The following PZP variants were observed in gnomAD, a reference collection of about 807,000 sequenced individuals.
The protein encoded by PZP is PZP alpha-2-macroglobulin like.
PZP carries 150 observed loss-of-function variants against 179.8 expected under a neutral mutation model. That is an observed-to-expected ratio of 0.83 (90% CI 0.73 to 0.96). PZP has a LOEUF of 0.96. PZP is among the 40% of genes least tolerant of loss of function. PZP has a pLI of 0.00. For missense variants in PZP, 1,689 were observed against 1,764.0 expected, an observed-to-expected ratio of 0.96 and a Z score of 0.76; for synonymous variants, 624 against 652.3, an observed-to-expected ratio of 0.96 and a Z score of 0.66.
intron 23 of PZP, 95 bp from the exon 24 acceptor site, chr12:9,160,585 T>C (rs1941109210): frequency 8.7e-7 from 1 of 1,152,456 alleles, no homozygotes; most frequent in Non-Finnish European, 1.3e-6. Context: ...GAGTCTATCA[T>C]TTAGGTAAGA....
At chr12:9,169,355 T>C (rs1565637801) in intron 16 of PZP, 75 bp downstream of exon 16, 1 of 1,345,326 alleles carries the variant, frequency 7.4e-7, no homozygotes, top group Admixed American at 2.4e-5. Context: ...TTACTAAGAT[T>C]ATGAATAGAT....
downstream of PZP, among the ~76,000 whole-genome samples, chr12:9,148,132 G>T (rs1324301544): frequency 1.3e-5 from 2 of 152,188 alleles, no homozygotes; most frequent in African/African-American, 4.8e-5. Context: ...AAAAAATTGT[G>T]TATATTTACC....
rs2120669964 is a variant in PZP, at chr12:9,161,092, G to A, written c.2813C>T (p.Ser938Phe). Residue 938 changes from serine (S) to phenylalanine (F), a missense_variant, in exon 23 of 36, where the codon TCC (serine) becomes TTC (phenylalanine). Ser to Phe is a radical substitution (Grantham distance 155). Coordinates refer to ENST00000261336, the MANE Select transcript of PZP (RefSeq NM_002864.3). ...ASGANVSEQL[S>F]LKLPSNVVKE... ...GACCACATTTGATGGGAGCTTCAAG[G>A]ACAACTGCTCAGACACATTAGCACC... 1 of 1,599,130 alleles carries A rather than the reference G, an allele frequency of 6.3e-7. No individual in the cohort carries two copies. The highest frequency in any genetic ancestry group is 8.6e-7 in the Non-Finnish European group (1 of 1,167,402).
chr12:9,156,097 A>T, intron 28 of PZP: 1 of 235,258 alleles, frequency 4.3e-6, no homozygotes, highest in East Asian at 1.1e-4. Flanking sequence ...AGCTCCTGTT[A>T]TAAAAGGTTT....
chr12:9,154,633 C>A lies in PZP; in HGVS notation c.3757G>T (p.Gly1253Cys). 1 of 1,614,110 alleles carries A rather than the reference C, an allele frequency of 6.2e-7. No individual in the cohort carries two copies. Residue 1253 changes from glycine to cysteine, a missense_variant, in exon 29 of 36, where the codon GGT becomes TGT. By Grantham distance (159) the Gly-to-Cys change is radical (BLOSUM62 -3). Transcript: ENST00000261336. ...WIMKQQNAQG[G>C]FSSTQDTVVA... The stretch of plus-strand genomic sequence containing the variant: ...CCACTGACCTGGGTGGAGGAGAAAC[C>A]ACCTTGGGCGTTCTGCTGCTTCATG...
intron 34 of PZP, among the ~76,000 whole-genome samples, chr12:9,150,314 G>T (rs61196270): frequency 0.023 from 3,466 of 151,984 alleles, 136 homozygotes; most frequent in African/African-American, 0.078. Flanking sequence ...ACGGAGTCTC[G>T]CACCGTCACC....
At position 9,152,300 on chromosome 12, in the gene PZP, T is replaced by C; in HGVS notation, c.4132A>G (p.Asn1378Asp). ...ATCACCATATTGGAAGCAGGACGGT[T>C]TCCTGTGTAACTGTAGTGTCAAAGG... ...QISLTISYTGNRPASNMVIVD... is the reference protein window; with the variant it reads ...QISLTISYTGDRPASNMVIVD... Residue 1378 changes from asparagine (N) to aspartate (D), a missense_variant, in exon 32 of 36, where the codon AAC (asparagine) becomes GAC (aspartate). Transcript: ENST00000261336. 1 of 1,612,658 alleles carries C rather than the reference T, an allele frequency of 6.2e-7. No individual in the cohort carries two copies. Among genetic ancestry groups the C allele is most frequent in the Middle Eastern group, 1.7e-4 (1 of 6,058 alleles).
chr12:9,203,803 C>T lies in PZP; in HGVS notation c.232G>A (p.Ala78Thr), dbSNP rs997621612. The change falls in exon 2 of 36, where the codon GCG becomes ACG. Residue 78 changes from alanine (A) to threonine (T), a missense_variant. This residue lies in a region of PZP where 742 missense variants were observed against 730.5 expected (regional missense o/e 1.02). Coordinates refer to ENST00000261336, the MANE Select transcript of PZP (RefSeq NM_002864.3). Reference sequence around the variant, plus strand: ...ACACAGTGGAATAAGTCCTTCTCCGCCACCAGGTCAGTGAAGAGGCTCCTG... The same window carrying T: ...ACACAGTGGAATAAGTCCTTCTCCGTCACCAGGTCAGTGAAGAGGCTCCTG... ...ENRSLFTDLV[A>T]EKDLFHCVSF... is the part of the protein sequence containing the mutation. 7.4e-6 allele frequency: 12 copies of T among 1,614,130 alleles called. No homozygotes were observed. The highest frequency in any genetic ancestry group is 1.0e-5 in the Non-Finnish European group (12 of 1,180,020).
At chr12:9,171,307 A>G (rs1941984183) in intron 15 of PZP, among the ~76,000 whole-genome samples, 1 of 152,212 alleles carries the variant, frequency 6.6e-6, no homozygotes, top group African/African-American at 2.4e-5. Flanking sequence ...AAACAAACAG[A>G]AAACAACAGC....
At chr12:9,161,685 A>G (rs1941212362) in intron 22 of PZP, among the ~76,000 whole-genome samples, 1 of 152,232 alleles carries the variant, frequency 6.6e-6, no homozygotes, top group African/African-American at 2.4e-5. Context: ...AATAGATAAC[A>G]TGAATATACC....
intron 22 of PZP, among the ~76,000 whole-genome samples, chr12:9,162,049 C>T (rs1200211169): frequency 3.3e-5 from 5 of 152,218 alleles, no homozygotes; most frequent in Admixed American, 2.6e-4. Flanking sequence ...GCAACCTCCC[C>T]CTGCCCGGCT....
chr12:9,179,486 A>G (rs763005605), intron 15 of PZP, among the ~76,000 whole-genome samples: 108 of 152,334 alleles, frequency 7.1e-4, no homozygotes, highest in African/African-American at 2.5e-3. Flanking sequence ...CAGATAATTA[A>G]AATTTTAGTC....
At chr12:9,181,869 G>T in intron 14 of PZP, 106 bp downstream of exon 14, 2 of 1,261,422 alleles carry the variant, frequency 1.6e-6, no homozygotes, top group Non-Finnish European at 2.2e-6. Flanking sequence ...GGAACTGTTG[G>T]GCAACTCATT....
At chr12:9,147,703 C>T (rs1940082806), downstream of PZP, among the ~76,000 whole-genome samples, 1 of 152,164 alleles carries the variant, frequency 6.6e-6, no homozygotes, top group South Asian at 2.1e-4. Flanking sequence ...CTTTCATCAG[C>T]CAGTTTCTTA....
At chr12:9,169,957 C>T (rs1384939904) in intron 15 of PZP, 1 of 159,246 alleles carries the variant, frequency 6.3e-6, no homozygotes, top group East Asian at 1.8e-4. Flanking sequence ...ATTATTGCCA[C>T]CTGTTAAACA....
chr12:9,137,604 A>T, the PZP span, among the ~76,000 whole-genome samples: 1 of 151,936 alleles, frequency 6.6e-6, no homozygotes. Context: ...GAATCTATAG[A>T]TTGCTTTTGA....
chr12:9,162,743 G>A (rs931330056), intron 21 of PZP, 95 bp from the exon 22 acceptor site: 16 of 999,654 alleles, frequency 1.6e-5, no homozygotes, highest in South Asian at 4.4e-5. Flanking sequence ...GGGTTTACAC[G>A]AATGATGTTT....
In PZP at chr12:9,163,712, C is replaced by T; in HGVS notation, c.2692G>A (p.Glu898Lys). 1 of 1,614,016 alleles carries T rather than the reference C, an allele frequency of 6.2e-7. No individual in the cohort carries two copies. Among genetic ancestry groups the T allele is most frequent in the Non-Finnish European group, 8.5e-7 (1 of 1,179,940 alleles). The stretch of plus-strand genomic sequence containing the variant: ...ATGACTGTGTCTTTTCTTTTAATCT[C>T]AGGGACCTCAACAACCTCATTTCCA... ...LCGNEVVEVP[E>K]IKRKDTVIKT... Residue 898 changes from glutamate to lysine, a missense_variant, in exon 21 of 36, where the codon GAG (glutamate) becomes AAG (lysine). By Grantham distance (56) the Glu-to-Lys change is moderately conservative. This residue lies in a region of PZP where 746 missense variants were observed against 749.2 expected (regional missense o/e 1.00). Coordinates refer to ENST00000261336, the MANE Select transcript of PZP (RefSeq NM_002864.3).
chr12:9,205,205 A>AT (rs1472242750), intron 1 of PZP, among the ~76,000 whole-genome samples: 2 of 152,098 alleles, frequency 1.3e-5, no homozygotes, highest in Admixed American at 1.3e-4. Context: ...GGCACAGGCA[A>AT]TTTTTTGTGT....
Sources: gnomAD v4.1 joint callset for allele counts (sites outside exome capture counted in the v4.1 genomes callset) on GRCh38, gnomAD v4.1.1 for gene constraint, gnomAD v4.1.1 regional missense constraint, MANE v1.5 for transcripts, NCBI Gene and HGNC (gene_info 2026-07-23, HGNC 2026-07-21) for gene names.